The following TBX18 variants were observed in gnomAD, a reference collection of about 807,000 sequenced individuals.
The protein encoded by TBX18 is T-box transcription factor TBX18.
TBX18 carries 21 observed loss-of-function variants against 55.0 expected under a neutral mutation model. The observed-to-expected ratio is 0.38, with a 90% CI of 0.27 to 0.55. The LOEUF is 0.55. Ranked by LOEUF, TBX18 falls within the 20% of genes least tolerant of loss-of-function variation. The pLI is 0.73. For synonymous variants in TBX18, 342 were observed against 326.1 expected, an observed-to-expected ratio of 1.05 and a Z score of -0.53; for missense variants, 840 against 799.6, an observed-to-expected ratio of 1.05 and a Z score of -0.61.
intron 4 of TBX18, among the ~76,000 whole-genome samples, chr6:84,748,471 C>T (rs746268941): frequency 2.0e-5 from 3 of 152,054 alleles, no homozygotes; most frequent in African/African-American, 7.2e-5. Flanking sequence ...TGCACCACAC[C>T]CATCCCCTAA....
intron 3 of TBX18, among the ~76,000 whole-genome samples, chr6:84,757,681 T>C (rs1046055160): frequency 6.6e-6 from 1 of 151,976 alleles, no homozygotes; most frequent in African/African-American, 2.4e-5. Context: ...ACATGACAAA[T>C]ATATTGACTC....
At chr6:84,740,132 G>A (rs1011233288) in intron 6 of TBX18, among the ~76,000 whole-genome samples, 1 of 152,304 alleles carries the variant, frequency 6.6e-6, no homozygotes, top group East Asian at 1.9e-4. Context: ...GCCCCAGAGG[G>A]GATAGTGCAG....
At chr6:84,746,484 CTATT>C (rs1767193828) in intron 5 of TBX18, among the ~76,000 whole-genome samples, 1 of 143,404 alleles carries the variant, frequency 7.0e-6, no homozygotes, top group African/African-American at 2.5e-5. Context: ...GTATATTATA[CTATT>C]TATATATTTA....
intron 3 of TBX18, among the ~76,000 whole-genome samples, chr6:84,759,218 ACTGT>A (rs1224602607): frequency 3.3e-5 from 5 of 152,050 alleles, no homozygotes; most frequent in Admixed American, 2.6e-4. Context: ...AAATAATAAG[ACTGT>A]CTTTTTTATT....
chr6:84,762,678 A>G lies in TBX18; in HGVS notation c.363T>C (p.Ser121=), dbSNP rs2127882640. 2.5e-6 allele frequency: 4 copies of G among 1,609,872 alleles called. No homozygotes were observed. The South Asian group carries it at 3.3e-5, about 13-fold the overall frequency. Residue 121 remains serine, a synonymous_variant, in exon 2 of 8, where the codon TCT becomes TCC. Transcript: ENST00000369663. ...LASPGGSPKG[S]PARSLARPGT... ...CGGGCCGGGCCAGGGAGCGCGCCGG[A>G]GACCCCTTGGGGGAGCCTCCCGGTG...
At chr6:84,758,102 T>C (rs891115931) in intron 3 of TBX18, among the ~76,000 whole-genome samples, 2 of 152,204 alleles carry the variant, frequency 1.3e-5, no homozygotes, top group East Asian at 1.9e-4. Flanking sequence ...AAATTAGGGA[T>C]AGTCTTTCAG....
chr6:84,737,082 TC>T lies in TBX18; in HGVS notation c.1426del (p.Asp476ThrfsTer88). The part of the protein sequence containing the change: ...VNMSMGGTDG[D>X]TFSCPQTSLS... The stretch of plus-strand genomic sequence containing the variant: ...GCTGGTCTGTGGGCAGCTGAAGGTG[TC>T]CCCATCAGTGCCACCCATGGACATG... On this transcript the variant is annotated frameshift_variant, in exon 8 of 8. Coordinates refer to ENST00000369663, the MANE Select transcript of TBX18 (RefSeq NM_001080508.3). LOFTEE classifies it high-confidence loss of function. The T allele has an allele frequency of 6.2e-7, 1 of 1,614,150 alleles. No homozygotes were observed. The highest frequency in any genetic ancestry group is 8.5e-7 in the Non-Finnish European group (1 of 1,180,030).
intron 6 of TBX18, chr6:84,742,093 C>G (rs867641266): frequency 1.3e-5 from 2 of 152,124 alleles, no homozygotes; most frequent in Non-Finnish European, 2.9e-5. Flanking sequence ...AAAGTTGAAA[C>G]TGTATTTCAC....
chr6:84,738,540 T>A lies in TBX18; in HGVS notation c.1056A>T (p.Leu352=). The A allele has an allele frequency of 6.2e-7, 1 of 1,614,112 alleles. No homozygotes were observed. The highest frequency in any genetic ancestry group is 8.5e-7 in the Non-Finnish European group (1 of 1,180,012). Residue 352 remains leucine, a synonymous_variant, in exon 7 of 8, where the codon CTA becomes CTT. Transcript: ENST00000369663. The part of the protein sequence containing the change: ...VESYAFWRPS[L]RTLTFEDIPG... The stretch of plus-strand genomic sequence containing the variant: ...GGATATCTTCAAAGGTCAGAGTCCG[T>A]AGTGATGGTCGCCAGAATGCATATG...
rs555205301 is a variant in TBX18 at position 84,758,958 on chromosome 6, AC to A, written c.599+1296del. On this transcript the variant is annotated intron_variant, in intron 3 of 7. Transcript: ENST00000369663. The stretch of plus-strand genomic sequence containing the variant: ...AATTTGAATCAATTAAGTAAAATAA[AC>A]CAACCAAAATGTAGGGAAGACATTG... Among the ~76,000 whole-genome samples the A allele has an allele frequency of 5.9e-5, 9 of 152,272 alleles. No individual in the cohort carries two copies. The East Asian group carries it at 1.7e-3, about 29-fold the overall frequency.
chr6:84,736,905 G>T lies in TBX18; in HGVS notation c.1604C>A (p.Ser535Tyr). Reference sequence around the variant, plus strand: ...ACTGGCAGCCAGTTTGGGGGATGTGGAGAAGTTATATCCATATAGTGCACA... The same window carrying T: ...ACTGGCAGCCAGTTTGGGGGATGTGTAGAAGTTATATCCATATAGTGCACA... ...SPCALYGYNF[S>Y]TSPKLAASPE... Residue 535 changes from serine to tyrosine, a missense_variant, in exon 8 of 8, where the codon TCC becomes TAC. Physicochemically the swap from Ser to Tyr is moderately radical, Grantham distance 144. Coordinates refer to ENST00000369663, the MANE Select transcript of TBX18 (RefSeq NM_001080508.3). 6.2e-7 allele frequency: 1 copy of T among 1,613,170 alleles called. No individual in the cohort carries two copies. Among genetic ancestry groups the T allele is most frequent in the Non-Finnish European group, 8.5e-7 (1 of 1,179,616 alleles).
At chr6:84,746,776 A>G (rs1401268618) in intron 5 of TBX18, among the ~76,000 whole-genome samples, 1 of 150,288 alleles carries the variant, frequency 6.7e-6, no homozygotes, top group Non-Finnish European at 1.5e-5. Context: ...GCATGGTCCT[A>G]TTATTATTAG....
rs1013359099 is a variant in TBX18, at chr6:84,737,088, T to A, written c.1421A>T (p.Asp474Val). 1 of 1,614,186 alleles carries A rather than the reference T, an allele frequency of 6.2e-7. No homozygotes were observed. Among genetic ancestry groups the A allele is most frequent in the Non-Finnish European group, 8.5e-7 (1 of 1,180,028 alleles). Residue 474 changes from aspartate to valine, a missense_variant, in exon 8 of 8, where the codon GAT becomes GTT. Transcript: ENST00000369663. ...TSVNMSMGGT[D>V]GDTFSCPQTS... ...CTGTGGGCAGCTGAAGGTGTCCCCA[T>A]CAGTGCCACCCATGGACATGTTCAC...
At chr6:84,739,586 A>G (rs1766994566) in intron 6 of TBX18, among the ~76,000 whole-genome samples, 1 of 152,080 alleles carries the variant, frequency 6.6e-6, no homozygotes, top group African/African-American at 2.4e-5. Context: ...TCTAGGTAAC[A>G]TTACACTTTT....
intron 5 of TBX18, among the ~76,000 whole-genome samples, chr6:84,746,793 C>T (rs1767206631): frequency 1.3e-5 from 2 of 149,778 alleles, no homozygotes; most frequent in Admixed American, 1.3e-4. Flanking sequence ...TTAGCATGGT[C>T]CTATATTATA....
chr6:84,739,711 C>T (rs1766997131), intron 6 of TBX18, among the ~76,000 whole-genome samples: 1 of 152,116 alleles, frequency 6.6e-6, no homozygotes, highest in Non-Finnish European at 1.5e-5. Context: ...CCCTGCGCCC[C>T]AAGTCATAAC....
chr6:84,736,626 A>C lies in TBX18; in HGVS notation c.*59T>G. The stretch of plus-strand genomic sequence containing the variant: ...GAGAGTTTCTTTCCACATAGCTTTT[A>C]AAAAAGAAAAAGAAAATATGTTAGA... On this transcript the variant is annotated 3_prime_UTR_variant, in exon 8 of 8. Coordinates refer to ENST00000369663, the MANE Select transcript of TBX18 (RefSeq NM_001080508.3). 22 of 1,463,422 alleles carry C rather than the reference A, an allele frequency of 1.5e-5. No homozygotes were observed. Among genetic ancestry groups the C allele is most frequent in the Non-Finnish European group, 2.0e-5 (22 of 1,106,498 alleles). The allele number at this position is 1,463,422 out of a possible 1,614,324, so 90.7% of individuals were successfully genotyped here.
rs919354079 is a variant in TBX18 at position 84,755,478 on chromosome 6, C to T, written c.771+1220G>A. Among the ~76,000 whole-genome samples, 6 of 152,086 alleles carry T rather than the reference C, an allele frequency of 3.9e-5. 1 individual carries two copies. In the South Asian group the frequency reaches 8.3e-4, roughly 21 times the overall value. On this transcript the variant is annotated intron_variant, in intron 4 of 7. Transcript: ENST00000369663. The stretch of plus-strand genomic sequence containing the variant: ...GCTGCCTCAGCGACACAGAAGAAAT[C>T]GGTGTTATTTCACTGAATTCCTGTG...
At position 84,758,802 on chromosome 6, in the gene TBX18, T is replaced by C. The variant is rs142814765; in HGVS notation, c.599+1453A>G. Among the ~76,000 whole-genome samples the C allele has an allele frequency of 2.9e-3, 442 of 152,280 alleles. 3 individuals carry two copies. The highest frequency in any genetic ancestry group is 9.7e-3 in the African/African-American group (403 of 41,574). On this transcript the variant is annotated intron_variant, in intron 3 of 7. Coordinates refer to ENST00000369663, the MANE Select transcript of TBX18 (RefSeq NM_001080508.3). ...CACATTCTTTGTAAAACATTCTAAA[T>C]ACAAATAGTACAAACAAATTTCTTC... is the stretch of plus-strand genomic sequence containing the variant.
Sources: gnomAD v4.1 joint callset for allele counts (sites outside exome capture counted in the v4.1 genomes callset) on GRCh38, gnomAD v4.1.1 for gene constraint, MANE v1.5 for transcripts, NCBI Gene and HGNC (gene_info 2026-07-23, HGNC 2026-07-21) for gene names.